The following TG variants were observed in gnomAD, a reference collection of about 807,000 sequenced individuals.
TG encodes the protein thyroid hormones.
In TG, 270 loss-of-function variants were observed where a neutral mutation model predicts 324.7. The ratio of observed to expected loss-of-function variants is 0.83; its 90% CI spans 0.75 to 0.92. TG has a LOEUF of 0.92. Among genes scored for constraint, TG ranks in the 40% least tolerant of loss-of-function variants. TG has a pLI of 0.00. For synonymous variants in TG, 1,401 were observed against 1,327.0 expected (o/e 1.06, Z -1.21); for missense variants, 3,591 against 3,456.4 (o/e 1.04, Z -0.98).
chr8:132,889,807 G>A (rs867228482), intron 10 of TG, among the ~76,000 whole-genome samples: 4 of 152,120 alleles, frequency 2.6e-5, no homozygotes, highest in East Asian at 3.9e-4. Flanking sequence ...ACTGAGTTTC[G>A]CTCTTGTTGC....
intron 14 of TG, among the ~76,000 whole-genome samples, chr8:132,899,487 G>A (rs1159043705): frequency 6.6e-6 from 1 of 152,214 alleles, no homozygotes; most frequent in African/African-American, 2.4e-5. Flanking sequence ...CACCCACTCT[G>A]CTCAGCTTCC....
chr8:132,967,026 C>A (rs942996285), intron 30 of TG, among the ~76,000 whole-genome samples: 14 of 145,262 alleles, frequency 9.6e-5, no homozygotes, highest in South Asian at 6.6e-4. Context: ...TCCATCCTTC[C>A]ATCCCATCCA....
Position 133,134,678 on chromosome 8 carries a change from G to A in TG, c.8191G>A (p.Gly2731Arg), listed in dbSNP as rs748368271. 1.1e-5 allele frequency: 17 copies of A among 1,613,666 alleles called. No homozygotes were observed. The East Asian group carries it at 1.1e-4, about 11-fold the overall frequency. The change falls in exon 48 of 48, where the codon GGA (glycine) becomes AGA (arginine). Residue 2731 changes from glycine to arginine, a missense_variant and splice_region_variant. Gly to Arg is a moderately radical substitution (Grantham distance 125). Coordinates refer to ENST00000220616, the MANE Select transcript of TG (RefSeq NM_003235.5). Reference sequence around the variant, plus strand: ...CCTTCCTTGCCCCTCTGTTTCAGATGGAGCCAAGGGCGGGCAGTCAGCAGA... The same window carrying A: ...CCTTCCTTGCCCCTCTGTTTCAGATAGAGCCAAGGGCGGGCAGTCAGCAGA... ...YISSLKTSAD[G>R]AKGGQSAESE...
At chr8:132,930,369 C>T (rs1302230846) in intron 23 of TG, among the ~76,000 whole-genome samples, 9 of 152,136 alleles carry the variant, frequency 5.9e-5, no homozygotes, top group African/African-American at 1.2e-4. Context: ...TGTGTGCGTG[C>T]ACTGTGACAC....
Position 132,901,516 on chromosome 8 carries a change from T to C in TG, c.3597T>C (p.Pro1199=), listed in dbSNP as rs957974012. Reference sequence around the variant, plus strand: ...TCATGGACAGCGGAGAAGAGGTGCCTGGGACGCGCGTGACCGGGGGCCAGC... The same window carrying C: ...TCATGGACAGCGGAGAAGAGGTGCCCGGGACGCGCGTGACCGGGGGCCAGC... ...WCVMDSGEEV[P]GTRVTGGQPA... Residue 1199 remains proline (P), a synonymous_variant, in exon 16 of 48, where the codon CCT becomes CCC. Coordinates refer to ENST00000220616, the MANE Select transcript of TG (RefSeq NM_003235.5). The C allele has an allele frequency of 1.2e-6, 2 of 1,613,808 alleles. No individual in the cohort carries two copies. Among genetic ancestry groups the C allele is most frequent in the Non-Finnish European group, 1.7e-6 (2 of 1,180,028 alleles).
intron 40 of TG, among the ~76,000 whole-genome samples, chr8:133,025,696 G>T (rs1836005616): frequency 6.6e-6 from 1 of 152,100 alleles, no homozygotes; most frequent in Non-Finnish European, 1.5e-5. Flanking sequence ...TCATTTTGTT[G>T]CCCTCCAACT....
chr8:133,017,879 T>G lies in TG; in HGVS notation c.6664T>G (p.Trp2222Gly). 6.2e-7 allele frequency: 1 copy of G among 1,614,154 alleles called. No homozygotes were observed. The highest frequency in any genetic ancestry group is 8.5e-7 in the Non-Finnish European group (1 of 1,180,018). The change falls in exon 38 of 48, where the codon TGG (tryptophan) becomes GGG (glycine). Residue 2222 changes from tryptophan to glycine, a missense_variant. Physicochemically the swap from Trp to Gly is radical, Grantham distance 184. Coordinates refer to ENST00000220616, the MANE Select transcript of TG (RefSeq NM_003235.5). ...RSQAIQVGTSWKQVDQFLGVP... is the reference protein window; with the variant it reads ...RSQAIQVGTSGKQVDQFLGVP... The stretch of plus-strand genomic sequence containing the variant: ...CCAGGCCATCCAGGTGGGTACCTCA[T>G]GGAAGCAAGTGGACCAGTTCCTTGG...
chr8:133,122,140 T>C (rs1240197445), intron 45 of TG, among the ~76,000 whole-genome samples: 1 of 152,244 alleles, frequency 6.6e-6, no homozygotes, highest in African/African-American at 2.4e-5. Context: ...CAACGAATTA[T>C]TGCTTTCTTA....
intron 27 of TG, among the ~76,000 whole-genome samples, chr8:132,958,126 GCTT>G (rs1226883086): frequency 2.0e-5 from 3 of 152,158 alleles, no homozygotes; most frequent in Non-Finnish European, 4.4e-5. Flanking sequence ...ATGGTAAACT[GCTT>G]CTTAATGGGG....
chr8:133,049,115 C>T, intron 41 of TG: 1 of 455,036 alleles, frequency 2.2e-6, no homozygotes. Context: ...GGAAGGAAGC[C>T]AAGATTTGTG....
intron 34 of TG, among the ~76,000 whole-genome samples, chr8:132,979,209 G>A (rs1830532705): frequency 6.6e-6 from 1 of 152,182 alleles, no homozygotes; most frequent in South Asian, 2.1e-4. Flanking sequence ...AGGGCTTCCT[G>A]GAAGGGGTGG....
intron 18 of TG, among the ~76,000 whole-genome samples, chr8:132,909,153 C>T (rs1306454610): frequency 6.6e-6 from 1 of 152,128 alleles, no homozygotes; most frequent in Non-Finnish European, 1.5e-5. Context: ...TTACAGTCTT[C>T]TCCAGCTGCT....
chr8:133,042,087 G>C (rs1394693583), intron 41 of TG, among the ~76,000 whole-genome samples: 2 of 151,942 alleles, frequency 1.3e-5, no homozygotes, highest in East Asian at 3.9e-4. Flanking sequence ...ACACCCGGCT[G>C]TCAGTGTTTT....
chr8:132,942,912 G>A (rs1007216411), intron 26 of TG, among the ~76,000 whole-genome samples: 3 of 152,178 alleles, frequency 2.0e-5, no homozygotes, highest in African/African-American at 7.2e-5. Context: ...CTGAGCTAGA[G>A]ACAGAGAGAC....
At chr8:132,988,994 G>A (rs1831967595) in intron 35 of TG, 1 of 689,758 alleles carries the variant, frequency 1.4e-6, no homozygotes, top group African/African-American at 1.9e-5. Context: ...AGCTCCATGT[G>A]GCTGGGGAGG....
At chr8:132,880,657 A>G (rs1814526450) in intron 5 of TG, among the ~76,000 whole-genome samples, 1 of 152,248 alleles carries the variant, frequency 6.6e-6, no homozygotes, top group Non-Finnish European at 1.5e-5. Context: ...ATTAAATAAT[A>G]GTTATTAACT....
chr8:132,983,562 G>C (rs117438739), intron 35 of TG, 150 bp downstream of exon 35: 18,690 of 799,776 alleles, frequency 0.023, 268 homozygotes, highest in Non-Finnish European at 0.029. Context: ...ATGTATAAGT[G>C]GGGTGAGTAC....
intron 6 of TG, 30 bp from the exon 7 acceptor site, chr8:132,882,439 A>G (rs1296032911): frequency 6.2e-7 from 1 of 1,613,974 alleles, no homozygotes; most frequent in South Asian, 1.1e-5. Flanking sequence ...GAATGAGACC[A>G]TCTCTGAAAG....
chr8:133,048,957 A>G (rs1170798234), intron 41 of TG: 2 of 325,990 alleles, frequency 6.1e-6, no homozygotes, highest in Non-Finnish European at 1.2e-5. Context: ...GAAGTAACTT[A>G]GTGTTTATCA....
Sources: allele counts gnomAD v4.1 joint callset (sites outside exome capture counted in the v4.1 genomes callset), GRCh38; gene constraint gnomAD v4.1.1; transcripts MANE v1.5; gene names NCBI Gene and HGNC (gene_info 2026-07-23, HGNC 2026-07-21).